The following ARL15 variants were observed in gnomAD, a reference collection of about 807,000 sequenced individuals.
ARL15 encodes ARF like GTPase 15.
ARL15 carries 19 observed loss-of-function variants against 25.2 expected under a neutral mutation model. The observed-to-expected ratio is 0.75, with a 90% CI of 0.53 to 1.10. ARL15 has a LOEUF of 1.10. Among genes scored for constraint, ARL15 ranks in the 50% least tolerant of loss-of-function variants. The pLI is 0.00. For missense variants in ARL15, 220 were observed against 246.0 expected (o/e 0.89, Z 0.71); for synonymous variants, 94 against 86.8 (o/e 1.08, Z -0.46).
At chr5:53,999,015 G>A (rs1407162253) in intron 4 of ARL15, among the ~76,000 whole-genome samples, 8 of 152,292 alleles carry the variant, frequency 5.3e-5, no homozygotes, top group Non-Finnish European at 1.0e-4. Flanking sequence ...CACACTCAGA[G>A]TAACATTTGG....
chr5:54,080,175 T>C (rs1380245678), intron 4 of ARL15, among the ~76,000 whole-genome samples: 2 of 152,160 alleles, frequency 1.3e-5, no homozygotes, highest in East Asian at 3.9e-4. Flanking sequence ...ACACAGGACA[T>C]AGGAATTCTA....
intron 3 of ARL15, among the ~76,000 whole-genome samples, chr5:54,138,133 T>C (rs1220547888): frequency 6.6e-6 from 1 of 152,182 alleles, no homozygotes; most frequent in Admixed American, 6.5e-5. Flanking sequence ...TATAAATCTC[T>C]ATTATTATAT....
In ARL15 at chr5:54,232,875, T is replaced by C. The variant is rs891351814; in HGVS notation, c.49-60947A>G. 6.6e-4 allele frequency among the ~76,000 whole-genome samples: 101 copies of C among 152,214 alleles called. 1 individual carries two copies. The highest frequency in any genetic ancestry group is 1.8e-4 in the Non-Finnish European group (12 of 68,034). ...AATGGCTTCACAACACCCAGTTCTA[T>C]GCTTCTCCTAGTCCAGCCGTTTTCA... On this transcript the variant is annotated intron_variant, in intron 1 of 4. Coordinates refer to ENST00000504924, the MANE Select transcript of ARL15 (RefSeq NM_019087.3).
chr5:54,133,238 G>A (rs1317595490), intron 3 of ARL15, among the ~76,000 whole-genome samples: 1 of 152,150 alleles, frequency 6.6e-6, no homozygotes, highest in African/African-American at 2.4e-5. Flanking sequence ...TCTGGGAAGT[G>A]CCTACCAAGG....
intron 4 of ARL15, among the ~76,000 whole-genome samples, chr5:54,068,654 G>A (rs1751321202): frequency 6.6e-6 from 1 of 152,132 alleles, no homozygotes; most frequent in African/African-American, 2.4e-5. Flanking sequence ...CCAAAACAAA[G>A]CAGACAAGAG....
intron 1 of ARL15, among the ~76,000 whole-genome samples, chr5:54,231,590 C>T (rs1026472343): frequency 6.6e-6 from 1 of 152,204 alleles, no homozygotes; most frequent in African/African-American, 2.4e-5. Context: ...CTTAGGCTAC[C>T]ATGACAAAAT....
At chr5:53,947,823 T>C (rs1746799670) in intron 4 of ARL15, among the ~76,000 whole-genome samples, 2 of 151,792 alleles carry the variant, frequency 1.3e-5, no homozygotes, top group South Asian at 2.1e-4. Flanking sequence ...GAAAAGACTA[T>C]GACAACTAAG....
intron 4 of ARL15, among the ~76,000 whole-genome samples, chr5:53,915,958 G>A (rs1745631311): frequency 6.6e-6 from 1 of 152,196 alleles, no homozygotes; most frequent in South Asian, 2.1e-4. Context: ...TCAGGTTGAA[G>A]TGCAGTGGCA....
At chr5:54,023,299 A>AGATC (rs76771090) in intron 4 of ARL15, among the ~76,000 whole-genome samples, 99,483 of 151,650 alleles carry the variant, frequency 0.66, 32,878 homozygotes, top group East Asian at 0.84. Context: ...AAACAGACAC[A>AGATC]TTTAAAAATA....
intron 1 of ARL15, among the ~76,000 whole-genome samples, chr5:54,310,087 G>A (rs1273846622): frequency 2.0e-5 from 3 of 152,212 alleles, no homozygotes; most frequent in Non-Finnish European, 4.4e-5. Context: ...TGCTCCCCCG[G>A]AAAGAAAGTC....
chr5:54,083,997 C>A (rs1011046344), intron 4 of ARL15, among the ~76,000 whole-genome samples: 2 of 152,166 alleles, frequency 1.3e-5, no homozygotes, highest in African/African-American at 4.8e-5. Flanking sequence ...AATCCCCACA[C>A]TGCCAGCGTT....
chr5:54,071,681 A>C (rs1262285012), intron 4 of ARL15, among the ~76,000 whole-genome samples: 2 of 152,220 alleles, frequency 1.3e-5, no homozygotes, highest in South Asian at 2.1e-4. Flanking sequence ...TTAGAAAATA[A>C]GAGCTACCGG....
chr5:53,887,857 G>A (rs1744585916), intron 4 of ARL15, among the ~76,000 whole-genome samples: 1 of 152,124 alleles, frequency 6.6e-6, no homozygotes, highest in Non-Finnish European at 1.5e-5. Context: ...TATTTTGCCA[G>A]TACCAGTGCA....
At chr5:53,905,385 T>A (rs1322182944) in intron 4 of ARL15, among the ~76,000 whole-genome samples, 1 of 152,204 alleles carries the variant, frequency 6.6e-6, no homozygotes. Context: ...ATATTATGGT[T>A]ATAACTGAAA....
chr5:54,142,645 T>C (rs1753807320), intron 3 of ARL15, among the ~76,000 whole-genome samples: 1 of 152,170 alleles, frequency 6.6e-6, no homozygotes, highest in South Asian at 2.1e-4. Flanking sequence ...CCATCCGAAA[T>C]GACTGTGGTT....
intron 4 of ARL15, among the ~76,000 whole-genome samples, chr5:54,043,383 G>A (rs1277089851): frequency 2.6e-5 from 4 of 152,074 alleles, no homozygotes; most frequent in Non-Finnish European, 1.5e-5. Flanking sequence ...GGTAGTCACT[G>A]GTTTTCAACC....
intron 4 of ARL15, among the ~76,000 whole-genome samples, chr5:54,098,951 G>C (rs1458895107): frequency 6.6e-6 from 1 of 152,102 alleles, no homozygotes; most frequent in African/African-American, 2.4e-5. Context: ...AGTAAGAGTT[G>C]GTGCGACATA....
In ARL15 at chr5:54,163,355, G is replaced by GTTTTTTTTTTTTTTTTTTTTTTTTT. The variant is rs1754465268; in HGVS notation, c.193+8428_193+8429insAAAAAAAAAAAAAAAAAAAAAAAAA. On this transcript the variant is annotated intron_variant, in intron 2 of 4. Coordinates refer to ENST00000504924, the MANE Select transcript of ARL15 (RefSeq NM_019087.3). Reference sequence around the variant, plus strand: ...TGTCCATGAGGGCTATTGGTATGAAGCTTTTTTTTTTTTTTTTTTTTTTTT... The same window carrying GTTTTTTTTTTTTTTTTTTTTTTTTT: ...TGTCCATGAGGGCTATTGGTATGAAGTTTTTTTTTTTTTTTTTTTTTTTTTCTTTTTTTTTTTTTTTTTTTTTTTT... 1.7e-3 allele frequency among the ~76,000 whole-genome samples: 89 copies of GTTTTTTTTTTTTTTTTTTTTTTTTT among 51,346 alleles called. 38 individuals carry two copies. The highest frequency in any genetic ancestry group is 2.5e-3 in the African/African-American group (30 of 12,092). 33.7% of individuals were successfully genotyped at this position (51,346 alleles called of 152,430 possible). A position where few individuals can be genotyped will look rare whatever the true frequency, so the allele number is the denominator to read the frequency against.
chr5:54,111,898 C>A (rs1197907912), intron 4 of ARL15, among the ~76,000 whole-genome samples: 1 of 152,050 alleles, frequency 6.6e-6, no homozygotes, highest in East Asian at 1.9e-4. Context: ...AAACTAAGGT[C>A]TTAAAAGCAC....
Sources: gnomAD v4.1 joint callset for allele counts (sites outside exome capture counted in the v4.1 genomes callset) on GRCh38, gnomAD v4.1.1 for gene constraint, MANE v1.5 for transcripts, NCBI Gene and HGNC (gene_info 2026-07-23, HGNC 2026-07-21) for gene names.